Variants in KATNBL1 observed in about 807,000 individuals in gnomAD.
The protein encoded by KATNBL1 is katanin regulatory subunit B1 like 1.
KATNBL1 carries 28 observed loss-of-function variants against 44.7 expected under a neutral mutation model. That is an observed-to-expected ratio of 0.63 (90% CI 0.46 to 0.86). The LOEUF is 0.86. Among genes scored for constraint, KATNBL1 ranks in the 40% least tolerant of loss-of-function variants. KATNBL1 has a pLI of 0.00. For missense variants in KATNBL1, 272 were observed against 350.7 expected (o/e 0.78, Z 1.79); for synonymous variants, 78 against 114.9 (o/e 0.68, Z 2.06).
chr15:34,143,793 CAAA>C lies in KATNBL1; in HGVS notation c.883-1425_883-1423del, dbSNP rs560420668. On this transcript the variant is annotated intron_variant, in intron 9 of 9. Transcript: ENST00000256544. ...TGAAACCCTGTCTCTACTAAAAATA[CAAA>C]AAAAAAAAAAAAAAAAAAAAAATTG... is the stretch of plus-strand genomic sequence containing the variant. Among the ~76,000 whole-genome samples, 370 of 64,152 alleles carry C rather than the reference CAAA, an allele frequency of 5.8e-3. 1 individual carries two copies. Among genetic ancestry groups the C allele is most frequent in the African/African-American group, 0.019 (320 of 16,422 alleles). The allele number at this position is 64,152 out of a possible 152,430, so 42.1% of individuals were successfully genotyped here.
intron 2 of KATNBL1, 35 bp from the exon 3 acceptor site, chr15:34,154,719 C>T (rs1433757335): frequency 7.2e-7 from 1 of 1,397,204 alleles, no homozygotes. Flanking sequence ...ATGTTAGAAA[C>T]AAATGCTTGG....
At position 34,169,394 on chromosome 15, in the gene KATNBL1, A is replaced by T. The variant is rs531021822; in HGVS notation, c.-14-5704T>A. Among the ~76,000 whole-genome samples the T allele has an allele frequency of 5.3e-5, 8 of 152,366 alleles. No homozygotes were observed. The South Asian group carries it at 1.7e-3, about 32-fold the overall frequency. On this transcript the variant is annotated intron_variant, in intron 1 of 9. Coordinates refer to ENST00000256544, the MANE Select transcript of KATNBL1 (RefSeq NM_024713.3). ...ACCCTCCCAAGACTAAACCAGGAAG[A>T]AGTTCAATTGCTGAATAGACCAATA...
chr15:34,172,443 G>A (rs990844109), intron 1 of KATNBL1, among the ~76,000 whole-genome samples: 2 of 151,878 alleles, frequency 1.3e-5, no homozygotes, highest in Admixed American at 6.6e-5. Context: ...TTTTAGTAGA[G>A]ATGGGGTTTC....
At chr15:34,186,712 C>T (rs774814492) in intron 1 of KATNBL1, among the ~76,000 whole-genome samples, 3 of 152,242 alleles carry the variant, frequency 2.0e-5, no homozygotes, top group Admixed American at 6.5e-5. Context: ...TGTCTGCTCC[C>T]ACTGCCTGGC....
intron 1 of KATNBL1, among the ~76,000 whole-genome samples, chr15:34,190,166 G>C (rs748859527): frequency 6.6e-6 from 1 of 152,132 alleles, no homozygotes; most frequent in African/African-American, 2.4e-5. Flanking sequence ...GGATGGTCTC[G>C]ATCTCCTGAC....
chr15:34,184,635 C>A lies in KATNBL1; in HGVS notation c.-14-20945G>T, dbSNP rs191110926. 2.5e-4 allele frequency among the ~76,000 whole-genome samples: 29 copies of A among 117,518 alleles called. 1 individual carries two copies. In the East Asian group the frequency reaches 8.2e-3, roughly 33 times the overall value. The allele number at this position is 117,518 out of a possible 152,430, so 77.1% of individuals were successfully genotyped here. A position where few individuals can be genotyped will look rare whatever the true frequency, so the allele number is the denominator to read the frequency against. ...TCACCCAGGCTGGAGAGTGCAGTGGCGATCTCGGCTTACTGCAAGCTCCGC... is the reference window on the plus strand; with the variant it reads ...TCACCCAGGCTGGAGAGTGCAGTGGAGATCTCGGCTTACTGCAAGCTCCGC... On this transcript the variant is annotated intron_variant, in intron 1 of 9. Coordinates refer to ENST00000256544, the MANE Select transcript of KATNBL1 (RefSeq NM_024713.3).
chr15:34,187,851 C>A (rs889817787), intron 1 of KATNBL1, among the ~76,000 whole-genome samples: 4 of 151,998 alleles, frequency 2.6e-5, no homozygotes, highest in Non-Finnish European at 5.9e-5. Context: ...AGAATATTCA[C>A]AAATAGGCCA....
At chr15:34,167,571 G>A (rs867689893) in intron 1 of KATNBL1, among the ~76,000 whole-genome samples, 20 of 152,130 alleles carry the variant, frequency 1.3e-4, no homozygotes, top group Admixed American at 2.6e-4. Flanking sequence ...GCAGGCCAAC[G>A]TTCAAATTCA....
chr15:34,194,732 A>C (rs1889985683), intron 1 of KATNBL1, among the ~76,000 whole-genome samples: 1 of 152,258 alleles, frequency 6.6e-6, no homozygotes, highest in South Asian at 2.1e-4. Context: ...AGAATTTATA[A>C]GGATCTCAGA....
intron 1 of KATNBL1, among the ~76,000 whole-genome samples, chr15:34,188,361 G>T (rs1228839269): frequency 2.0e-5 from 3 of 151,780 alleles, no homozygotes; most frequent in Non-Finnish European, 2.9e-5. Flanking sequence ...TTCGAGATCA[G>T]CCTGGCCAAC....
intron 9 of KATNBL1, among the ~76,000 whole-genome samples, chr15:34,143,966 CA>C (rs61591705): frequency 0.076 from 4,996 of 65,810 alleles, 22 homozygotes; most frequent in Middle Eastern, 0.16. Context: ...GATTCCATCT[CA>C]AAAAAAAAAA....
At chr15:34,191,461 C>A (rs1368387353) in intron 1 of KATNBL1, among the ~76,000 whole-genome samples, 1 of 151,788 alleles carries the variant, frequency 6.6e-6, no homozygotes, top group Non-Finnish European at 1.5e-5. Context: ...AGTGAAATGG[C>A]TGGGTTTTAT....
intron 2 of KATNBL1, among the ~76,000 whole-genome samples, chr15:34,155,500 C>G (rs1040908765): frequency 3.3e-5 from 5 of 151,862 alleles, no homozygotes; most frequent in African/African-American, 1.2e-4. Flanking sequence ...TTTACCAAAC[C>G]ATTTTTCTAG....
In KATNBL1 at chr15:34,146,784, G is replaced by A. The variant is rs1888322569; in HGVS notation, c.765C>T (p.Ser255=). The A allele has an allele frequency of 6.2e-7, 1 of 1,602,212 alleles. No homozygotes were observed. Among genetic ancestry groups the A allele is most frequent in the African/African-American group, 1.3e-5 (1 of 74,642 alleles). Residue 255 remains serine (S), a synonymous_variant, in exon 8 of 10, where the codon TCC becomes TCT. Transcript: ENST00000256544. ...VIKRWWSELS[S]KTEIINDGNI... The stretch of plus-strand genomic sequence containing the variant: ...ACCCATCATTTATAATTTCTGTTTT[G>A]GATGATAGTTCTGACCACCACCTTT...
rs1418848102 is a variant in KATNBL1, at chr15:34,178,514, T to C, written c.-14-14824A>G. On this transcript the variant is annotated intron_variant, in intron 1 of 9. Transcript: ENST00000256544. Reference sequence around the variant, plus strand: ...GGCTCTCACCTGTAATCTCAGCACTTTGGGAGGCCAAGGAGGGCAGATCAC... The same window carrying C: ...GGCTCTCACCTGTAATCTCAGCACTCTGGGAGGCCAAGGAGGGCAGATCAC... Among the ~76,000 whole-genome samples, 10 of 152,270 alleles carry C rather than the reference T, an allele frequency of 6.6e-5. No homozygotes were observed. In the South Asian group the frequency reaches 1.9e-3, roughly 28 times the overall value.
chr15:34,166,729 G>A (rs934586246), intron 1 of KATNBL1, among the ~76,000 whole-genome samples: 6 of 152,182 alleles, frequency 3.9e-5, no homozygotes, highest in African/African-American at 1.4e-4. Flanking sequence ...CCTCTGGAAT[G>A]AAGCTTCCAG....
At chr15:34,206,791 C>CAA (rs751429482) in intron 1 of KATNBL1, among the ~76,000 whole-genome samples, 8 of 111,068 alleles carry the variant, frequency 7.2e-5, no homozygotes, top group African/African-American at 2.4e-4. Context: ...GACTCCGTCT[C>CAA]AAAAAAAAAA....
chr15:34,157,719 C>T (rs1042600622), intron 2 of KATNBL1, among the ~76,000 whole-genome samples: 7 of 152,144 alleles, frequency 4.6e-5, no homozygotes, highest in African/African-American at 1.4e-4. Context: ...AACCGAGTCT[C>T]TAAGACTAAT....
intron 1 of KATNBL1, among the ~76,000 whole-genome samples, chr15:34,186,273 G>A (rs1889712933): frequency 6.6e-6 from 1 of 152,170 alleles, no homozygotes; most frequent in South Asian, 2.1e-4. Context: ...AATCCATGAA[G>A]CCAGTGGGAG....
Sources: gnomAD v4.1 joint callset for allele counts (sites outside exome capture counted in the v4.1 genomes callset) on GRCh38, gnomAD v4.1.1 for gene constraint, MANE v1.5 for transcripts, NCBI Gene and HGNC (gene_info 2026-07-23, HGNC 2026-07-21) for gene names.